Variants in NDUFAF6 observed in about 807,000 individuals in gnomAD.
NDUFAF6 encodes NADH dehydrogenase (ubiquinone) complex I, assembly factor 6.
NDUFAF6 carries 45 observed loss-of-function variants against 40.8 expected under a neutral mutation model. The observed-to-expected ratio is 1.10, with a 90% CI of 0.87 to 1.42. NDUFAF6 has a LOEUF of 1.42. Ranked by LOEUF, NDUFAF6 falls within the 40% of genes most tolerant of loss-of-function variation. NDUFAF6 has a pLI of 0.00. For missense variants in NDUFAF6, 435 were observed against 418.5 expected (o/e 1.04, Z -0.34); for synonymous variants, 185 against 155.9 (o/e 1.19, Z -1.39).
chr8:95,004,904 AT>A (rs1443227052), intron 2 of NDUFAF6, among the ~76,000 whole-genome samples: 1 of 152,206 alleles, frequency 6.6e-6, no homozygotes, highest in African/African-American at 2.4e-5. Context: ...TTGGTACTCA[AT>A]AAATATTGGT....
chr8:95,064,131 C>T (rs1832642801), intron 9 of NDUFAF6, among the ~76,000 whole-genome samples: 1 of 143,156 alleles, frequency 7.0e-6, no homozygotes, highest in African/African-American at 2.6e-5. Flanking sequence ...ACCTCGTGAT[C>T]TGCCCGCCTC....
chr8:94,909,811 TATAC>T (rs1016610273), intron 1 of NDUFAF6, among the ~76,000 whole-genome samples: 66 of 142,116 alleles, frequency 4.6e-4, no homozygotes, highest in Middle Eastern at 3.6e-3. Flanking sequence ...CATATATATA[TATAC>T]ACACACACAC....
chr8:95,105,116 G>GAGAGAT (rs1809795604), downstream of NDUFAF6, among the ~76,000 whole-genome samples: 1 of 108,104 alleles, frequency 9.3e-6, no homozygotes, highest in Non-Finnish European at 1.9e-5. Flanking sequence ...GAGAGAGAGA[G>GAGAGAT]ATCACGTAGC....
intron 4 of NDUFAF6, among the ~76,000 whole-genome samples, chr8:95,111,635 A>G (rs1221558964): frequency 6.6e-6 from 1 of 151,886 alleles, no homozygotes; most frequent in Non-Finnish European, 1.5e-5. Flanking sequence ...TCCTCCAGGC[A>G]CACACACACC....
chr8:94,937,012 C>A (rs976074112), intron 1 of NDUFAF6, among the ~76,000 whole-genome samples: 4 of 152,164 alleles, frequency 2.6e-5, no homozygotes, highest in Admixed American at 6.5e-5. Context: ...CCCTGGGGAG[C>A]TACAAAATGG....
chr8:95,098,695 A>G (rs773586412), upstream of NDUFAF6, among the ~76,000 whole-genome samples: 15 of 152,114 alleles, frequency 9.9e-5, no homozygotes, highest in Admixed American at 3.9e-4. Flanking sequence ...ACTAAGTCTT[A>G]TTAAAAACTC....
At chr8:94,912,655 T>C (rs1818858232) in intron 1 of NDUFAF6, among the ~76,000 whole-genome samples, 1 of 146,848 alleles carries the variant, frequency 6.8e-6, no homozygotes, top group African/African-American at 2.5e-5. Context: ...GAAAGAAAAA[T>C]ACAAAAAATT....
chr8:94,927,972 A>C (rs1430109863), intron 1 of NDUFAF6: 4 of 152,544 alleles, frequency 2.6e-5, no homozygotes, highest in Non-Finnish European at 5.9e-5. Context: ...TAACAGGTCA[A>C]CATCGTTCTG....
intron 1 of NDUFAF6, among the ~76,000 whole-genome samples, chr8:94,918,686 C>T (rs556723449): frequency 7.2e-5 from 11 of 152,292 alleles, no homozygotes; most frequent in African/African-American, 2.6e-4. Context: ...TTCACCCAAA[C>T]TGGAAATCTC....
intron 2 of NDUFAF6, among the ~76,000 whole-genome samples, chr8:94,982,396 G>T (rs183779317): frequency 6.6e-6 from 1 of 152,308 alleles, no homozygotes; most frequent in African/African-American, 2.4e-5. Flanking sequence ...AGTAGGCTAA[G>T]CCATCTAGGT....
intron 1 of NDUFAF6, chr8:94,929,759 A>C (rs1458079171): frequency 6.6e-6 from 1 of 152,216 alleles, no homozygotes; most frequent in Non-Finnish European, 1.5e-5. Context: ...CACAGGTCTA[A>C]TTTAATCCCT....
chr8:94,928,765 C>T (rs1423225841), intron 1 of NDUFAF6: 1 of 152,240 alleles, frequency 6.6e-6, no homozygotes. Context: ...CACAGCTCTT[C>T]GCTGAAAGTC....
chr8:95,007,348 G>C lies in NDUFAF6; in HGVS notation c.-83-24647G>C, dbSNP rs184278056. ...AGCACAATATAGTTGTGCCAATAAG[G>C]ATATAGTTAAAATATTTAATTTTAA... On this transcript the variant is annotated intron_variant, in intron 2 of 9. Transcript: ENST00000396111. Among the ~76,000 whole-genome samples the C allele has an allele frequency of 2.5e-3, 381 of 151,882 alleles. 4 individuals carry two copies. Among genetic ancestry groups the C allele is most frequent in the African/African-American group, 8.8e-3 (363 of 41,448 alleles).
intron 2 of NDUFAF6, among the ~76,000 whole-genome samples, chr8:95,013,833 TG>T (rs1420154115): frequency 2.0e-5 from 3 of 151,336 alleles, no homozygotes; most frequent in African/African-American, 7.3e-5. Flanking sequence ...ACTGGAAATG[TG>T]ATATTATTTG....
At chr8:94,981,551 C>G (rs1001772864) in intron 2 of NDUFAF6, among the ~76,000 whole-genome samples, 2 of 152,174 alleles carry the variant, frequency 1.3e-5, no homozygotes, top group African/African-American at 4.8e-5. Context: ...GAAGGGAACA[C>G]ATCTTTTGAG....
At chr8:94,977,880 A>G (rs2131564554) in intron 1 of NDUFAF6, among the ~76,000 whole-genome samples, 1 of 152,282 alleles carries the variant, frequency 6.6e-6, no homozygotes, top group Non-Finnish European at 1.5e-5. Flanking sequence ...AAGCTCTGTG[A>G]CATTATGATA....
At chr8:94,969,179 A>T (rs1260184833) in intron 1 of NDUFAF6, among the ~76,000 whole-genome samples, 1 of 152,182 alleles carries the variant, frequency 6.6e-6, no homozygotes, top group Admixed American at 6.5e-5. Flanking sequence ...TGAATCACCT[A>T]GGGAGTAAGT....
chr8:95,082,771 T>C (rs1420352923), intron 2 of NDUFAF6, among the ~76,000 whole-genome samples: 1 of 151,784 alleles, frequency 6.6e-6, no homozygotes, highest in Non-Finnish European at 1.5e-5. Flanking sequence ...GCCATTCTCC[T>C]GCCTCAGCCT....
chr8:94,959,582 G>A (rs1823393155), intron 1 of NDUFAF6, among the ~76,000 whole-genome samples: 1 of 149,850 alleles, frequency 6.7e-6, no homozygotes, highest in Non-Finnish European at 1.5e-5. Flanking sequence ...CTAGGCTGGA[G>A]TGCAGTGGCA....
Sources: allele counts gnomAD v4.1 joint callset (sites outside exome capture counted in the v4.1 genomes callset), GRCh38; gene constraint gnomAD v4.1.1; transcripts MANE v1.5; gene names NCBI Gene and HGNC (gene_info 2026-07-23, HGNC 2026-07-21).